CCDC180: variants seen among roughly 807,000 people sequenced by gnomAD.
CCDC180 encodes coiled-coil domain-containing protein 180.
In CCDC180, 154 loss-of-function variants were observed where a neutral mutation model predicts 209.2. The observed-to-expected ratio is 0.74, with a 90% confidence interval of 0.65 to 0.84. The LOEUF (loss-of-function observed/expected upper bound fraction) is 0.84, where lower values mean the gene tolerates loss of function less well. CCDC180 is among the 40% of genes least tolerant of loss of function. CCDC180 has a pLI of 0.00. For synonymous variants in CCDC180, 778 were observed against 749.1 expected (o/e 1.04, Z -0.63); for missense variants, 1,874 against 1,997.3 (o/e 0.94, Z 1.18).
At chr9:97,343,641 G>A (rs1478533037) in intron 19 of CCDC180, 78 bp downstream of exon 19, 48 of 957,914 alleles carry the variant, frequency 5.0e-5, no homozygotes, top group Non-Finnish European at 6.9e-5. Context: ...AAAAAAAAAA[G>A]GATTGGGCTG....
chr9:97,350,228 C>T (rs1480022542), intron 21 of CCDC180, among the ~76,000 whole-genome samples, 181 bp from the exon 22 acceptor site: 12 of 151,752 alleles, frequency 7.9e-5, no homozygotes, highest in Admixed American at 7.9e-4. Context: ...TCACCACCTG[C>T]CCCTCCCATG....
At chr9:97,337,539 G>A (rs936071812) in intron 18 of CCDC180, among the ~76,000 whole-genome samples, 2 of 150,828 alleles carry the variant, frequency 1.3e-5, no homozygotes, top group Middle Eastern at 3.4e-3. Context: ...GATAAGCTTT[G>A]TGATGTGCTG....
chr9:97,363,604 A>C (rs1260463002), intron 28 of CCDC180: 1 of 533,674 alleles, frequency 1.9e-6, no homozygotes, highest in Non-Finnish European at 3.9e-6. Flanking sequence ...TTTTTAGCAT[A>C]AGTATGTCCC....
intron 2 of CCDC180, among the ~76,000 whole-genome samples, 164 bp downstream of exon 2, chr9:97,308,296 T>C (rs891452099): frequency 1.3e-5 from 2 of 152,224 alleles, no homozygotes; most frequent in Non-Finnish European, 2.9e-5. Flanking sequence ...ATCGTACCAA[T>C]ACAAAATTAG....
chr9:97,323,637 A>C, intron 12 of CCDC180, 144 bp from the exon 13 acceptor site: 1 of 1,012,688 alleles, frequency 9.9e-7, no homozygotes, highest in Non-Finnish European at 1.4e-6. Flanking sequence ...TCCAGACCCT[A>C]AGGGGAACAG....
chr9:97,349,364 AG>A, intron 21 of CCDC180, 73 bp downstream of exon 21: 2 of 1,342,846 alleles, frequency 1.5e-6, no homozygotes, highest in Non-Finnish European at 2.0e-6. Flanking sequence ...CTTTCAAAGG[AG>A]CCCCCCTCCC....
intron 18 of CCDC180, among the ~76,000 whole-genome samples, chr9:97,336,039 T>C (rs191492415): frequency 3.6e-4 from 55 of 152,294 alleles, no homozygotes; most frequent in African/African-American, 1.3e-3. Flanking sequence ...GATTTTTTCT[T>C]GTAAATTTGT....
Position 97,357,778 on chromosome 9 carries a change from G to A in CCDC180, c.3363+53G>A, listed in dbSNP as rs1303882506. The A allele has an allele frequency of 1.5e-5, 20 of 1,375,906 alleles. No homozygotes were observed. The Admixed American group carries it at 2.5e-4, about 17-fold the overall frequency. 85.2% of individuals were successfully genotyped at this position (1,375,906 alleles called of 1,614,324 possible). Reference sequence around the variant, plus strand: ...AATAATAAAGATATATCATGCTAAAGTCATAAATGTGAAATAAATTTACCT... The same window carrying A: ...AATAATAAAGATATATCATGCTAAAATCATAAATGTGAAATAAATTTACCT... On this transcript the variant is annotated intron_variant, in intron 25 of 36. Transcript: ENST00000529487.
Position 97,323,795 on chromosome 9 carries a change from C to T in CCDC180, c.1263C>T (p.Asp421=), listed in dbSNP as rs1833435459. The change falls in exon 13 of 37, where the codon GAC becomes GAT. Residue 421 remains aspartate (D), a synonymous_variant. Transcript: ENST00000529487. ...HVQNCKKQLL[D]WKAFTEEEAE... ...ACACACTCCAGAAGCAGCTGCTGGA[C>T]TGGAAAGCCTTCACTGAGGAGGAGG... is the stretch of plus-strand genomic sequence containing the variant. 6.4e-7 allele frequency: 1 copy of T among 1,558,690 alleles called. No homozygotes were observed. Among genetic ancestry groups the T allele is most frequent in the Non-Finnish European group, 8.7e-7 (1 of 1,150,448 alleles).
chr9:97,328,390 A>G (rs1308510173), intron 16 of CCDC180, among the ~76,000 whole-genome samples: 14 of 152,160 alleles, frequency 9.2e-5, no homozygotes, highest in Non-Finnish European at 1.3e-4. Context: ...AGGTTAATTT[A>G]TATGGTGCTT....
intron 18 of CCDC180, among the ~76,000 whole-genome samples, chr9:97,339,905 A>G (rs932160496): frequency 6.6e-6 from 1 of 152,074 alleles, no homozygotes; most frequent in African/African-American, 2.4e-5. Flanking sequence ...CATTTCATTA[A>G]TTTGACCTTC....
chr9:97,344,177 A>G (rs571507376), intron 19 of CCDC180, among the ~76,000 whole-genome samples: 4 of 152,262 alleles, frequency 2.6e-5, no homozygotes, highest in African/African-American at 7.2e-5. Context: ...GTTTGGATCA[A>G]ATGTGGACAT....
chr9:97,352,322 G>A lies in CCDC180; in HGVS notation c.3002+1767G>A, dbSNP rs35554301. ...AAATTTTAGAGGAAGGGTAAATGAT[G>A]TTTAGGGGAGATTAATGGACCCAAA... On this transcript the variant is annotated intron_variant, in intron 22 of 36. Transcript: ENST00000529487. 1.5e-3 allele frequency among the ~76,000 whole-genome samples: 234 copies of A among 152,264 alleles called. 1 individual carries two copies. Among genetic ancestry groups the A allele is most frequent in the Non-Finnish European group, 2.9e-3 (196 of 68,014 alleles).
chr9:97,347,375 C>A lies in CCDC180; in HGVS notation c.2560C>A (p.Arg854=). 2.0e-6 allele frequency: 3 copies of A among 1,536,110 alleles called. No individual in the cohort carries two copies. The highest frequency in any genetic ancestry group is 1.7e-6 in the Non-Finnish European group (2 of 1,146,914). ...GTTTGACCAGTGTTCCCTCAACACC[C>A]GGGTCACCGTGGCCACCAAAATCAA... is the stretch of plus-strand genomic sequence containing the variant. ...KWFDQCSLNT[R]VTVATKINEL... The change falls in exon 20 of 37, where the codon CGG becomes AGG. Residue 854 remains arginine (R), a synonymous_variant. Transcript: ENST00000529487.
chr9:97,371,746 G>A (rs1827108054), intron 34 of CCDC180, 40 bp downstream of exon 34: 4 of 1,373,498 alleles, frequency 2.9e-6, no homozygotes, highest in African/African-American at 1.4e-5. Flanking sequence ...GCCCTGGGGG[G>A]CTGGTGAGGG....
intron 16 of CCDC180, 45 bp downstream of exon 16, chr9:97,328,191 A>T (rs1260109329): frequency 3.8e-6 from 6 of 1,597,924 alleles, no homozygotes; most frequent in Non-Finnish European, 5.1e-6. Context: ...TGAAGAAGCT[A>T]AGGGAGAGGC....
At chr9:97,369,743 C>T (rs1395523269) in intron 31 of CCDC180, 179 bp from the exon 32 acceptor site, 5 of 605,276 alleles carry the variant, frequency 8.3e-6, no homozygotes, top group Non-Finnish European at 1.4e-5. Flanking sequence ...AGCTGGCTAA[C>T]CCTGTATTTT....
At chr9:97,311,533 G>A (rs1358854930) in intron 3 of CCDC180, among the ~76,000 whole-genome samples, 1 of 152,164 alleles carries the variant, frequency 6.6e-6, no homozygotes, top group Non-Finnish European at 1.5e-5. Flanking sequence ...CGTCCACCCT[G>A]CTGGTCCTCC....
chr9:97,358,034 G>A, intron 25 of CCDC180: 1 of 220,058 alleles, frequency 4.5e-6, no homozygotes, highest in Non-Finnish European at 8.8e-6. Flanking sequence ...GTCCCTTGCT[G>A]TAAGGAGAAC....
Sources: allele counts gnomAD v4.1 joint callset (sites outside exome capture counted in the v4.1 genomes callset), GRCh38; gene constraint gnomAD v4.1.1; transcripts MANE v1.5; gene names NCBI Gene and HGNC (gene_info 2026-07-23, HGNC 2026-07-21).